The following UNC5C variants were observed in gnomAD, a reference collection of about 807,000 sequenced individuals.
UNC5C encodes netrin receptor UNC5C.
Under a neutral mutation model 99.8 loss-of-function variants are expected in UNC5C, and 47 were observed. The ratio of observed to expected loss-of-function variants is 0.47; its 90% CI spans 0.37 to 0.60. UNC5C has a LOEUF of 0.60. UNC5C is among the 20% of genes least tolerant of loss of function. The probability of loss-of-function intolerance (pLI) is 0.00; values close to 1 mark genes in which losing one functional copy is unlikely to be tolerated. For missense variants in UNC5C, 1,062 were observed against 1,165.9 expected (o/e 0.91, Z 1.30); for synonymous variants, 487 against 452.2 (o/e 1.08, Z -0.98).
intron 5 of UNC5C, among the ~76,000 whole-genome samples, chr4:95,246,811 G>A (rs1177062171): frequency 2.6e-5 from 4 of 152,044 alleles, no homozygotes; most frequent in Non-Finnish European, 4.4e-5. Context: ...TATAATCCCA[G>A]TACTTTGGGA....
At chr4:95,429,672 A>G (rs1746581293) in intron 1 of UNC5C, among the ~76,000 whole-genome samples, 1 of 152,154 alleles carries the variant, frequency 6.6e-6, no homozygotes, top group Non-Finnish European at 1.5e-5. Flanking sequence ...TGGAGTCAAC[A>G]CATCCAATTT....
At position 95,168,244 on chromosome 4, in the gene UNC5C, G is replaced by A. The variant is rs1735935331; in HGVS notation, c.*990C>T. ...TCAGCATTTATCAATCACCTTTCTG[G>A]GGTGGAATAAGGGAAAGGTAAAAGG... On this transcript the variant is annotated 3_prime_UTR_variant, in exon 16 of 16. Coordinates refer to ENST00000453304, the MANE Select transcript of UNC5C (RefSeq NM_003728.4). 1.3e-5 allele frequency: 2 copies of A among 152,186 alleles called. No individual in the cohort carries two copies. The highest frequency in any genetic ancestry group is 4.8e-5 in the African/African-American group (2 of 41,444). The allele number at this position is 152,186 out of a possible 1,614,324, so 9.4% of individuals were successfully genotyped here.
chr4:95,245,310 C>G (rs1739464021), intron 5 of UNC5C, among the ~76,000 whole-genome samples, 166 bp from the exon 6 acceptor site: 1 of 151,926 alleles, frequency 6.6e-6, no homozygotes, highest in South Asian at 2.1e-4. Context: ...TCATTTTATC[C>G]AAAGTTTTAT....
intron 4 of UNC5C, among the ~76,000 whole-genome samples, chr4:95,254,720 A>T (rs899007650): frequency 6.6e-6 from 1 of 152,160 alleles, no homozygotes; most frequent in Non-Finnish European, 1.5e-5. Context: ...CTTATCATCA[A>T]TTACAACTCC....
intron 1 of UNC5C, among the ~76,000 whole-genome samples, chr4:95,430,527 G>A (rs1024270527): frequency 1.3e-5 from 2 of 151,974 alleles, no homozygotes; most frequent in African/African-American, 2.4e-5. Context: ...TGGAATCTTC[G>A]ACCATTTGTT....
chr4:95,526,779 T>C (rs1043316635), intron 1 of UNC5C, among the ~76,000 whole-genome samples: 1 of 151,996 alleles, frequency 6.6e-6, no homozygotes, highest in African/African-American at 2.4e-5. Flanking sequence ...TGAATTTTGT[T>C]CTGTATTTCT....
intron 1 of UNC5C, among the ~76,000 whole-genome samples, chr4:95,404,608 C>T (rs1207091986): frequency 6.6e-6 from 1 of 152,112 alleles, no homozygotes; most frequent in African/African-American, 2.4e-5. Context: ...TCTTAATGAT[C>T]TCTAAGAGTG....
chr4:95,386,520 G>A (rs997522443), intron 1 of UNC5C, among the ~76,000 whole-genome samples: 1 of 152,040 alleles, frequency 6.6e-6, no homozygotes, highest in Non-Finnish European at 1.5e-5. Context: ...CTCCTTCTGA[G>A]CTCTCCACAC....
intron 1 of UNC5C, among the ~76,000 whole-genome samples, chr4:95,361,243 T>A (rs1161892951): frequency 6.6e-6 from 1 of 152,184 alleles, no homozygotes; most frequent in Non-Finnish European, 1.5e-5. Flanking sequence ...GACTATTTTA[T>A]CCACTCTTCT....
At chr4:95,374,241 A>G (rs900197517) in intron 1 of UNC5C, among the ~76,000 whole-genome samples, 1 of 152,186 alleles carries the variant, frequency 6.6e-6, no homozygotes, top group Non-Finnish European at 1.5e-5. Flanking sequence ...CCATATGCCT[A>G]GATACTTCAA....
chr4:95,347,612 C>G (rs1023556461), intron 1 of UNC5C, among the ~76,000 whole-genome samples: 1 of 152,018 alleles, frequency 6.6e-6, no homozygotes, highest in African/African-American at 2.4e-5. Flanking sequence ...CATACACCTA[C>G]AGTGAATTCA....
intron 1 of UNC5C, among the ~76,000 whole-genome samples, chr4:95,390,449 G>C (rs1248552482): frequency 3.3e-5 from 5 of 149,256 alleles, no homozygotes; most frequent in African/African-American, 1.2e-4. Context: ...TTCTATTTTA[G>C]ACTACATTCC....
At chr4:95,469,546 T>A (rs1356208293) in intron 1 of UNC5C, among the ~76,000 whole-genome samples, 1 of 151,262 alleles carries the variant, frequency 6.6e-6, no homozygotes. Flanking sequence ...CCTGCTAGCA[T>A]AACTGCAGTG....
At chr4:95,238,529 C>T (rs1739210425) in intron 7 of UNC5C, among the ~76,000 whole-genome samples, 1 of 152,100 alleles carries the variant, frequency 6.6e-6, no homozygotes, top group South Asian at 2.1e-4. Context: ...TTCAGCTTCT[C>T]CTCAATTGGT....
chr4:95,370,927 G>A (rs1350627968), intron 1 of UNC5C, among the ~76,000 whole-genome samples: 1 of 152,176 alleles, frequency 6.6e-6, no homozygotes, highest in Non-Finnish European at 1.5e-5. Flanking sequence ...TAGAGGGAAA[G>A]CTATAGGTTT....
Position 95,339,270 on chromosome 4 carries a change from C to T in UNC5C, c.125-3639G>A, listed in dbSNP as rs567759151. ...GTCTGTGGCCTTCCTTTGGATGTTCCCTAGTGCCCATCAAAGGTCCTCTGT... is the reference window on the plus strand; with the variant it reads ...GTCTGTGGCCTTCCTTTGGATGTTCTCTAGTGCCCATCAAAGGTCCTCTGT... On this transcript the variant is annotated intron_variant, in intron 1 of 15. Coordinates refer to ENST00000453304, the MANE Select transcript of UNC5C (RefSeq NM_003728.4). Among the ~76,000 whole-genome samples, 5 of 152,000 alleles carry T rather than the reference C, an allele frequency of 3.3e-5. No homozygotes were observed. The East Asian group carries it at 9.7e-4, about 29-fold the overall frequency.
intron 12 of UNC5C, among the ~76,000 whole-genome samples, chr4:95,188,622 G>A (rs1235144465): frequency 6.6e-6 from 1 of 152,186 alleles, no homozygotes; most frequent in East Asian, 1.9e-4. Flanking sequence ...CACACTGCTT[G>A]ATTTTCTGAA....
chr4:95,331,884 A>G (rs1256554979), intron 2 of UNC5C, among the ~76,000 whole-genome samples: 1 of 152,136 alleles, frequency 6.6e-6, no homozygotes, highest in Non-Finnish European at 1.5e-5. Flanking sequence ...TCAGGATACA[A>G]AATCAATGTA....
intron 1 of UNC5C, among the ~76,000 whole-genome samples, chr4:95,535,250 AT>A (rs201340731): frequency 5.9e-5 from 9 of 152,086 alleles, no homozygotes; most frequent in African/African-American, 1.9e-4. Flanking sequence ...GGTACAAAAA[AT>A]AATGTGATTT....
Sources: gnomAD v4.1 joint callset for allele counts (sites outside exome capture counted in the v4.1 genomes callset) on GRCh38, gnomAD v4.1.1 for gene constraint, MANE v1.5 for transcripts, NCBI Gene and HGNC (gene_info 2026-07-23, HGNC 2026-07-21) for gene names.